The following GABRG3 variants were observed in gnomAD, a reference collection of about 807,000 sequenced individuals.
GABRG3 encodes gamma-aminobutyric acid receptor subunit gamma-3.
In GABRG3, 25 loss-of-function variants were observed where a neutral mutation model predicts 48.8. The ratio of observed to expected loss-of-function variants is 0.51; its 90% CI spans 0.37 to 0.72. GABRG3 has a LOEUF of 0.72. Ranked by LOEUF, GABRG3 falls within the 30% of genes least tolerant of loss-of-function variation. The pLI is 0.00. For synonymous variants in GABRG3, 227 were observed against 217.6 expected (o/e 1.04, Z -0.38); for missense variants, 394 against 577.9 (o/e 0.68, Z 3.26).
intron 5 of GABRG3, among the ~76,000 whole-genome samples, chr15:27,418,281 G>C (rs2140607749): frequency 6.6e-6 from 1 of 152,308 alleles, no homozygotes; most frequent in East Asian, 1.9e-4. Flanking sequence ...GGGGAAAATG[G>C]GAAGGGAAGG....
chr15:27,519,397 C>T (rs1273936601), intron 6 of GABRG3, among the ~76,000 whole-genome samples: 2 of 152,114 alleles, frequency 1.3e-5, no homozygotes. Context: ...ATGATTACTC[C>T]TTTTTGTTTC....
intron 5 of GABRG3, among the ~76,000 whole-genome samples, chr15:27,470,174 C>A (rs1465857591): frequency 6.6e-6 from 1 of 151,972 alleles, no homozygotes; most frequent in East Asian, 1.9e-4. Flanking sequence ...TGCCCAGTAC[C>A]TTGCATTTCT....
intron 3 of GABRG3, among the ~76,000 whole-genome samples, chr15:27,104,458 G>A (rs982058902): frequency 1.3e-5 from 2 of 152,170 alleles, no homozygotes; most frequent in Admixed American, 6.5e-5. Flanking sequence ...TTATTGGTTG[G>A]TTTGTTGTAG....
At chr15:27,475,820 GGTGATGGTGATGATGGTATTGATGATT>G (rs1889924259) in intron 5 of GABRG3, among the ~76,000 whole-genome samples, 2 of 152,002 alleles carry the variant, frequency 1.3e-5, no homozygotes, top group Non-Finnish European at 1.5e-5. Flanking sequence ...TGATTATGAT[GGTGATGGTGATGATGGTATTGATGATT>G]GTGATGGTGA....
intron 5 of GABRG3, among the ~76,000 whole-genome samples, chr15:27,370,615 G>T (rs77051027): frequency 3.9e-5 from 6 of 152,152 alleles, no homozygotes; most frequent in Admixed American, 2.6e-4. Context: ...CCACCTCAGA[G>T]GAGGAGTAGG....
intron 5 of GABRG3, among the ~76,000 whole-genome samples, chr15:27,455,859 A>C (rs1412699907): frequency 6.6e-6 from 1 of 152,004 alleles, no homozygotes; most frequent in East Asian, 1.9e-4. Flanking sequence ...TTGTGTGTAA[A>C]CACTTTCTGA....
At chr15:27,356,555 GC>G (rs1432322550) in intron 5 of GABRG3, among the ~76,000 whole-genome samples, 1 of 152,128 alleles carries the variant, frequency 6.6e-6, no homozygotes, top group Non-Finnish European at 1.5e-5. Flanking sequence ...GATGGAACTT[GC>G]CACTATACAC....
At chr15:27,526,076 G>T (rs1214689994) in intron 7 of GABRG3, among the ~76,000 whole-genome samples, 1 of 152,126 alleles carries the variant, frequency 6.6e-6, no homozygotes, top group Non-Finnish European at 1.5e-5. Flanking sequence ...ATTAAAGAGT[G>T]CCTGGCATTC....
intron 3 of GABRG3, among the ~76,000 whole-genome samples, chr15:27,031,633 T>G (rs1203052756): frequency 1.3e-5 from 2 of 152,148 alleles, no homozygotes; most frequent in Non-Finnish European, 2.9e-5. Flanking sequence ...CATTTAAAAC[T>G]GAAAAGATGA....
intron 3 of GABRG3, among the ~76,000 whole-genome samples, chr15:27,028,176 C>T (rs549085623): frequency 1.6e-4 from 25 of 152,274 alleles, no homozygotes; most frequent in African/African-American, 5.5e-4. Flanking sequence ...GGCTCCTTCA[C>T]GGTGATACGG....
chr15:27,271,608 TC>T (rs1891093251), intron 3 of GABRG3: 6 of 428,130 alleles, frequency 1.4e-5, no homozygotes, highest in African/African-American at 1.4e-4. Flanking sequence ...AGTCAGTCAG[TC>T]ACAAACATGG....
At chr15:27,527,847 C>T in intron 8 of GABRG3, 86 bp from the exon 9 acceptor site, 3 of 1,176,258 alleles carry the variant, frequency 2.6e-6, no homozygotes, top group Non-Finnish European at 1.2e-6. Flanking sequence ...TTGGTTTAGT[C>T]ATACCCTAAA....
intron 5 of GABRG3, among the ~76,000 whole-genome samples, chr15:27,337,680 C>T (rs1407382676): frequency 6.6e-6 from 1 of 152,112 alleles, no homozygotes; most frequent in Admixed American, 6.5e-5. Flanking sequence ...CCCATTTTTT[C>T]TCCCTGTTTA....
At chr15:26,995,511 C>T (rs968708292) in intron 2 of GABRG3, among the ~76,000 whole-genome samples, 6 of 149,210 alleles carry the variant, frequency 4.0e-5, no homozygotes, top group African/African-American at 1.5e-4. Flanking sequence ...TGTCTCAAAT[C>T]TTTTTGTTCC....
chr15:27,348,155 C>CAAAAAAAAA lies in GABRG3; in HGVS notation c.574+19270_574+19271insAAAAAAAAA, dbSNP rs535295684. ...TGGGTGACAGAGCGAGACTCCATCT[C>CAAAAAAAAA]AAATAAATAAAGAGTTGGAGATTTT... On this transcript the variant is annotated intron_variant, in intron 5 of 9. Transcript: ENST00000615808. Among the ~76,000 whole-genome samples the CAAAAAAAAA allele has an allele frequency of 2.6e-3, 272 of 102,740 alleles. 25 individuals are homozygous for CAAAAAAAAA. In the East Asian group the frequency reaches 0.052, roughly 19 times the overall value. 67.4% of individuals were successfully genotyped at this position (102,740 alleles called of 152,430 possible). A position where few individuals can be genotyped will look rare whatever the true frequency, so the allele number is the denominator to read the frequency against.
At chr15:27,112,327 G>A (rs1379576921) in intron 3 of GABRG3, among the ~76,000 whole-genome samples, 1 of 152,128 alleles carries the variant, frequency 6.6e-6, no homozygotes, top group Non-Finnish European at 1.5e-5. Flanking sequence ...TTGTAAAGCA[G>A]GAGTAACAAC....
At chr15:27,304,435 G>A (rs754124736) in intron 3 of GABRG3, among the ~76,000 whole-genome samples, 1 of 151,832 alleles carries the variant, frequency 6.6e-6, no homozygotes, top group Non-Finnish European at 1.5e-5. Context: ...TTATCTTATA[G>A]TTGTGAAGGT....
At chr15:27,511,151 AAGG>A (rs1566873526) in intron 6 of GABRG3, among the ~76,000 whole-genome samples, 1 of 152,244 alleles carries the variant, frequency 6.6e-6, no homozygotes, top group Admixed American at 6.5e-5. Flanking sequence ...CAAGGAATAA[AAGG>A]AGCAAGGTAA....
chr15:27,500,783 C>T (rs988270762), intron 6 of GABRG3, among the ~76,000 whole-genome samples: 1 of 151,676 alleles, frequency 6.6e-6, no homozygotes, highest in Non-Finnish European at 1.5e-5. Context: ...CTGCATTCAT[C>T]ATATCACTAA....
Sources: allele counts gnomAD v4.1 joint callset (sites outside exome capture counted in the v4.1 genomes callset), GRCh38; gene constraint gnomAD v4.1.1; transcripts MANE v1.5; gene names NCBI Gene and HGNC (gene_info 2026-07-23, HGNC 2026-07-21).